The following PINX1 variants were observed in gnomAD, a reference collection of about 807,000 sequenced individuals.
PINX1 encodes the protein PIN2/TERF1-interacting telomerase inhibitor 1.
A neutral mutation model predicts 25.4 loss-of-function variants in PINX1; 34 were observed. That is an observed-to-expected ratio of 1.34 (90% CI 1.02 to 1.78). PINX1 has a LOEUF of 1.78. Ranked by LOEUF, PINX1 falls within the 40% of genes most tolerant of loss-of-function variation. The probability of loss-of-function intolerance (pLI) is 0.00; values close to 1 mark genes in which losing one functional copy is unlikely to be tolerated. For synonymous variants in PINX1, 197 were observed against 147.7 expected (o/e 1.33, Z -2.42); for missense variants, 592 against 404.9 (o/e 1.46, Z -3.97).
chr8:10,769,925 C>G (rs1267103935), intron 6 of PINX1, among the ~76,000 whole-genome samples: 2 of 152,212 alleles, frequency 1.3e-5, no homozygotes, highest in Non-Finnish European at 2.9e-5. Flanking sequence ...AAGGTCTACA[C>G]TCACCTAAGT....
At chr8:10,807,462 G>C (rs1802490149) in intron 6 of PINX1, among the ~76,000 whole-genome samples, 1 of 151,502 alleles carries the variant, frequency 6.6e-6, no homozygotes, top group African/African-American at 2.4e-5. Context: ...TTATGAAACA[G>C]CTAATGTTCC....
At chr8:10,769,016 C>T (rs1432240830) in intron 6 of PINX1, among the ~76,000 whole-genome samples, 4 of 152,090 alleles carry the variant, frequency 2.6e-5, no homozygotes, top group Non-Finnish European at 4.4e-5. Flanking sequence ...AATTTAAATG[C>T]GACATTCACT....
At chr8:10,785,420 A>G (rs1801717529) in intron 6 of PINX1, among the ~76,000 whole-genome samples, 1 of 152,226 alleles carries the variant, frequency 6.6e-6, no homozygotes, top group Non-Finnish European at 1.5e-5. Flanking sequence ...AAATTATCCA[A>G]ATGACTTAAT....
rs542969796 is a variant in PINX1 at position 10,805,609 on chromosome 8, G to C, written c.471+14584C>G. On this transcript the variant is annotated intron_variant, in intron 6 of 6. Coordinates refer to ENST00000314787, the MANE Select transcript of PINX1 (RefSeq NM_017884.6). ...CAGAGCACAGGAAGGGGCCACACTA[G>C]CGCTGAGTGGGTGACGGAGCACAGG... 2.6e-3 allele frequency among the ~76,000 whole-genome samples: 306 copies of C among 118,350 alleles called. 16 individuals are homozygous for C. The highest frequency in any genetic ancestry group is 0.01 in the African/African-American group (286 of 28,218). 77.6% of individuals were successfully genotyped at this position (118,350 alleles called of 152,430 possible). A position where few individuals can be genotyped will look rare whatever the true frequency, so the allele number is the denominator to read the frequency against.
At chr8:10,783,486 T>G (rs1241388956) in intron 6 of PINX1, among the ~76,000 whole-genome samples, 2 of 152,210 alleles carry the variant, frequency 1.3e-5, no homozygotes, top group Non-Finnish European at 2.9e-5. Context: ...CCTCTGAACC[T>G]GCCAGTTGCT....
intron 6 of PINX1, among the ~76,000 whole-genome samples, chr8:10,768,336 T>C (rs905090070): frequency 6.6e-6 from 1 of 152,248 alleles, no homozygotes; most frequent in East Asian, 1.9e-4. Flanking sequence ...TTTATTACCT[T>C]GTGAATTCCT....
intron 6 of PINX1, among the ~76,000 whole-genome samples, chr8:10,810,328 T>C (rs1015630742): frequency 4.6e-5 from 7 of 152,274 alleles, no homozygotes; most frequent in Admixed American, 2.6e-4. Context: ...CCCACTGGCA[T>C]TTGTGTTGGA....
At chr8:10,830,086 G>C (rs1282841750) in intron 4 of PINX1, among the ~76,000 whole-genome samples, 1 of 152,156 alleles carries the variant, frequency 6.6e-6, no homozygotes, top group Non-Finnish European at 1.5e-5. Flanking sequence ...CTACTTCATA[G>C]ATCCTGCATT....
intron 4 of PINX1, 93 bp from the exon 5 acceptor site, chr8:10,826,337 G>A (rs997892931): frequency 4.7e-6 from 3 of 636,452 alleles, no homozygotes; most frequent in Non-Finnish European, 8.0e-6. Flanking sequence ...AAAATTTTAG[G>A]AGCCCTATCA....
In PINX1 at chr8:10,782,632, AG is replaced by A. The variant is rs1481070575; in HGVS notation, c.472-16717del. Among the ~76,000 whole-genome samples the A allele has an allele frequency of 5.1e-4, 78 of 152,232 alleles. 1 individual carries two copies. Among genetic ancestry groups the A allele is most frequent in the African/African-American group, 1.9e-3 (77 of 41,540 alleles). ...ACGCCTGTAATCCCAGCCACTCAGG[AG>A]GCTGAGGCAGCAGGATCACTTGAAT... On this transcript the variant is annotated intron_variant, in intron 6 of 6. Transcript: ENST00000314787.
chr8:10,823,967 T>A (rs1171888476), intron 5 of PINX1, among the ~76,000 whole-genome samples: 3 of 152,258 alleles, frequency 2.0e-5, no homozygotes, highest in African/African-American at 7.2e-5. Flanking sequence ...TCTTCCTGTT[T>A]GATTTCCTGG....
chr8:10,780,041 AG>A lies in PINX1; in HGVS notation c.472-14126del, dbSNP rs1210287435. 2.6e-5 allele frequency among the ~76,000 whole-genome samples: 4 copies of A among 152,334 alleles called. No individual in the cohort carries two copies. The East Asian group carries it at 7.7e-4, about 29-fold the overall frequency. ...TACTCAGGTCATTATCTGTGTATAG[AG>A]ATACCAGAGATTTTTGTATGTTGAT... On this transcript the variant is annotated intron_variant, in intron 6 of 6. Coordinates refer to ENST00000314787, the MANE Select transcript of PINX1 (RefSeq NM_017884.6).
intron 5 of PINX1, chr8:10,821,861 G>C (rs1217221197): frequency 6.6e-6 from 1 of 152,246 alleles, no homozygotes; most frequent in Admixed American, 6.5e-5. Flanking sequence ...AGGAATGCTG[G>C]AGGGATTAAG....
chr8:10,800,088 T>A (rs796336003), intron 6 of PINX1, among the ~76,000 whole-genome samples: 6 of 152,346 alleles, frequency 3.9e-5, no homozygotes, highest in African/African-American at 1.4e-4. Context: ...TTACTGCTAG[T>A]CTTTAGGATT....
In PINX1 at chr8:10,829,912, G is replaced by A. The variant is rs575213929; in HGVS notation, c.301+1753C>T. Among the ~76,000 whole-genome samples the A allele has an allele frequency of 3.9e-5, 6 of 152,228 alleles. No individual in the cohort carries two copies. In the East Asian group the frequency reaches 7.7e-4, roughly 20 times the overall value. On this transcript the variant is annotated intron_variant, in intron 4 of 6. Coordinates refer to ENST00000314787, the MANE Select transcript of PINX1 (RefSeq NM_017884.6). ...TTGGTCAGGCTGGTCTCAAACTCCC[G>A]ACCTCAGGTGATCCGCCCGCCTCAG...
rs761666883 is a variant in PINX1, at chr8:10,839,775, C to G, written c.-19G>C. On this transcript the variant is annotated 5_prime_UTR_variant, in exon 1 of 7. Transcript: ENST00000314787. ...TAGACATGTCGGAGAGCCTGTGATACCGCCGCCTCTGGACCTGGGTGACTG... is the reference window on the plus strand; with the variant it reads ...TAGACATGTCGGAGAGCCTGTGATAGCGCCGCCTCTGGACCTGGGTGACTG... The G allele has an allele frequency of 6.2e-7, 1 of 1,600,170 alleles. No individual in the cohort carries two copies. The highest frequency in any genetic ancestry group is 8.5e-7 in the Non-Finnish European group (1 of 1,173,172).
At chr8:10,811,902 G>T (rs1797534172) in intron 6 of PINX1, among the ~76,000 whole-genome samples, 2 of 152,212 alleles carry the variant, frequency 1.3e-5, no homozygotes, top group African/African-American at 4.8e-5. Context: ...GAGGGGGCCA[G>T]ACTCCACCTC....
chr8:10,786,313 C>T (rs1039115206), intron 6 of PINX1, among the ~76,000 whole-genome samples: 6 of 152,142 alleles, frequency 3.9e-5, no homozygotes, highest in African/African-American at 1.2e-4. Flanking sequence ...AGTGAAGAGG[C>T]CTTCCTATTC....
chr8:10,801,270 C>T (rs551864969), intron 6 of PINX1, among the ~76,000 whole-genome samples: 31 of 152,324 alleles, frequency 2.0e-4, no homozygotes, highest in African/African-American at 7.5e-4. Flanking sequence ...CTTCCAACTC[C>T]CCTCCCATAT....
Sources: gnomAD v4.1 joint callset for allele counts (sites outside exome capture counted in the v4.1 genomes callset) on GRCh38, gnomAD v4.1.1 for gene constraint, MANE v1.5 for transcripts, NCBI Gene and HGNC (gene_info 2026-07-23, HGNC 2026-07-21) for gene names.